Variants in ZFHX3 observed in about 807,000 individuals in gnomAD.
The protein encoded by ZFHX3 is zinc finger homeobox protein 3.
A neutral mutation model predicts 279.1 loss-of-function variants in ZFHX3; 42 were observed. That is an observed-to-expected ratio of 0.15 (90% CI 0.12 to 0.19). The LOEUF (loss-of-function observed/expected upper bound fraction) is 0.19. ZFHX3 is among the 10% of genes least tolerant of loss of function. ZFHX3 has a pLI of 1.00. For synonymous variants in ZFHX3, 2,293 were observed against 1,957.8 expected, an observed-to-expected ratio of 1.17 and a Z score of -4.52; for missense variants, 4,981 against 4,754.0, an observed-to-expected ratio of 1.05 and a Z score of -1.40.
chr16:73,205,104 A>C (rs1310291947), intron 5 of ZFHX3, among the ~76,000 whole-genome samples: 1 of 151,960 alleles, frequency 6.6e-6, no homozygotes, highest in Non-Finnish European at 1.5e-5. Flanking sequence ...GAGTCCTAGG[A>C]CTCCAAGTGA....
chr16:73,408,718 C>G (rs1021024027), intron 3 of ZFHX3, among the ~76,000 whole-genome samples: 1 of 152,090 alleles, frequency 6.6e-6, no homozygotes, highest in African/African-American at 2.4e-5. Flanking sequence ...GAGTGGCCCA[C>G]AGGGTTGGGT....
intron 3 of ZFHX3, among the ~76,000 whole-genome samples, chr16:73,437,377 G>A (rs143424077): frequency 8.2e-4 from 125 of 152,302 alleles, no homozygotes; most frequent in African/African-American, 2.7e-3. Context: ...CTAATTTTAG[G>A]AAAGGGATTT....
intron 7 of ZFHX3, 23 bp downstream of exon 7, chr16:72,811,554 G>C (rs374024807): frequency 6.4e-6 from 10 of 1,553,432 alleles, no homozygotes; most frequent in African/African-American, 2.7e-5. Context: ...AAGACCACAG[G>C]GTGCTGCTCC....
intron 4 of ZFHX3, among the ~76,000 whole-genome samples, chr16:72,888,889 G>C (rs1284471004): frequency 1.3e-5 from 2 of 152,208 alleles, no homozygotes; most frequent in Non-Finnish European, 1.5e-5. Flanking sequence ...TAGAGACAGT[G>C]TGGGGCCTAG....
chr16:72,865,295 G>A (rs1280440580), intron 4 of ZFHX3, among the ~76,000 whole-genome samples: 1 of 152,186 alleles, frequency 6.6e-6, no homozygotes, highest in South Asian at 2.1e-4. Flanking sequence ...ATGGGAAAAG[G>A]GCTTGTGGCT....
At chr16:73,465,062 G>C (rs914520975) in intron 2 of ZFHX3, among the ~76,000 whole-genome samples, 1 of 152,138 alleles carries the variant, frequency 6.6e-6, no homozygotes, top group Non-Finnish European at 1.5e-5. Context: ...CCGGCACACC[G>C]GCCAGCTGCT....
chr16:73,879,298 A>AG (rs1265767969), intron 1 of ZFHX3, among the ~76,000 whole-genome samples: 1 of 151,244 alleles, frequency 6.6e-6, no homozygotes, highest in African/African-American at 2.4e-5. Context: ...AAAAAAAAAA[A>AG]AAGCAGACAC....
chr16:73,656,818 A>T (rs1555530713), intron 2 of ZFHX3, among the ~76,000 whole-genome samples: 1 of 152,226 alleles, frequency 6.6e-6, no homozygotes, highest in Non-Finnish European at 1.5e-5. Context: ...CCCTTTTCTC[A>T]TTCTTTCTAA....
In ZFHX3 at chr16:72,959,926, G is replaced by T; in HGVS notation, c.220C>A (p.Pro74Thr). ...STASAGPPSE[P>T]ASKEVTCNEC... is the part of the protein sequence containing the mutation. Reference sequence around the variant, plus strand: ...TTGCAGGTGACCTCCTTGCTGGCGGGCTCGGAGGGGGGCCCGGCCGACGCG... The same window carrying T: ...TTGCAGGTGACCTCCTTGCTGGCGGTCTCGGAGGGGGGCCCGGCCGACGCG... Residue 74 changes from proline to threonine, a missense_variant, in exon 2 of 10, where the codon CCC (proline) becomes ACC (threonine). Around this residue, in one of 7 missense-constraint regions of ZFHX3, gnomAD observed 1,068 missense variants for 935.2 expected, o/e 1.14. Transcript: ENST00000268489. The T allele has an allele frequency of 6.2e-7, 1 of 1,600,872 alleles. No individual in the cohort carries two copies. The highest frequency in any genetic ancestry group is 2.2e-5 in the East Asian group (1 of 44,604).
intron 1 of ZFHX3, among the ~76,000 whole-genome samples, chr16:72,981,602 T>C (rs918471250): frequency 3.6e-4 from 55 of 152,320 alleles, no homozygotes; most frequent in African/African-American, 1.3e-3. Context: ...CTGCTCCCAA[T>C]TGGGCTGGTT....
intron 4 of ZFHX3, among the ~76,000 whole-genome samples, chr16:73,272,972 A>C (rs6564205): frequency 0.63 from 95,627 of 151,926 alleles, 31,113 homozygotes; most frequent in African/African-American, 0.8. Context: ...GTCTTGAACT[A>C]CTGGGCTCAA....
chr16:73,226,688 A>G (rs1040895619), intron 5 of ZFHX3, among the ~76,000 whole-genome samples: 1 of 152,234 alleles, frequency 6.6e-6, no homozygotes, highest in Admixed American at 6.5e-5. Flanking sequence ...TTGTTTTCAT[A>G]TATTTGAATT....
At chr16:73,471,373 G>A (rs1290085008) in intron 2 of ZFHX3, among the ~76,000 whole-genome samples, 1 of 152,036 alleles carries the variant, frequency 6.6e-6, no homozygotes, top group Admixed American at 6.5e-5. Flanking sequence ...TTACATGTGG[G>A]CATGTAACCA....
At chr16:72,991,805 G>C (rs78673846) in intron 1 of ZFHX3, among the ~76,000 whole-genome samples, 2,119 of 152,146 alleles carry the variant, frequency 0.014, 36 homozygotes, top group East Asian at 0.096. Context: ...CGCAACACTG[G>C]CCAGGGGCTA....
intron 3 of ZFHX3, among the ~76,000 whole-genome samples, chr16:73,434,579 T>G (rs2143522367): frequency 6.6e-6 from 1 of 151,590 alleles, no homozygotes; most frequent in Admixed American, 6.6e-5. Flanking sequence ...TCCACTTGAC[T>G]TTGTGCTGTG....
At chr16:73,518,110 G>C (rs1432077228) in intron 2 of ZFHX3, among the ~76,000 whole-genome samples, 1 of 152,006 alleles carries the variant, frequency 6.6e-6, no homozygotes. Context: ...TCTCAGTTAG[G>C]ACTAGCCACA....
chr16:72,875,185 G>A (rs1254148979), intron 4 of ZFHX3, among the ~76,000 whole-genome samples: 2 of 152,188 alleles, frequency 1.3e-5, no homozygotes, highest in African/African-American at 4.8e-5. Flanking sequence ...AATTCCCATA[G>A]GGAACTCCCA....
At chr16:72,971,406 G>C (rs1037220548) in intron 1 of ZFHX3, among the ~76,000 whole-genome samples, 1 of 152,158 alleles carries the variant, frequency 6.6e-6, no homozygotes, top group African/African-American at 2.4e-5. Context: ...TTCTGAACAT[G>C]TTGTTTTGTT....
intron 1 of ZFHX3, 124 bp from the exon 2 acceptor site, chr16:72,960,318 A>C: frequency 3.1e-6 from 2 of 643,534 alleles, no homozygotes; most frequent in African/African-American, 1.8e-5. Flanking sequence ...TCTGTCCACA[A>C]CACAGAGACA....
Sources: allele counts gnomAD v4.1 joint callset (sites outside exome capture counted in the v4.1 genomes callset), GRCh38; gene constraint gnomAD v4.1.1; regional missense constraint gnomAD v4.1.1; transcripts MANE v1.5; gene names NCBI Gene and HGNC (gene_info 2026-07-23, HGNC 2026-07-21).